The following FLT3 variants were observed in gnomAD, a reference collection of about 807,000 sequenced individuals.
The protein encoded by FLT3 is fms related receptor tyrosine kinase 3, also known as receptor-type tyrosine-protein kinase FLT3.
A neutral mutation model predicts 126.6 loss-of-function variants in FLT3; 46 were observed. The ratio of observed to expected loss-of-function variants is 0.36; its 90% CI spans 0.29 to 0.46. FLT3 has a LOEUF of 0.46. Ranked by LOEUF, FLT3 falls within the 20% of genes least tolerant of loss-of-function variation. The pLI, the probability that FLT3 is intolerant of heterozygous loss-of-function variation, is 1.00. For missense variants in FLT3, 1,069 were observed against 1,190.3 expected (o/e 0.90, Z 1.50); for synonymous variants, 404 against 434.4 (o/e 0.93, Z 0.87).
chr13:28,052,460 T>A, intron 5 of FLT3, 85 bp downstream of exon 5: 2 of 1,366,174 alleles, frequency 1.5e-6, no homozygotes, highest in South Asian at 1.4e-5. Flanking sequence ...ATAAATTAAA[T>A]TTTACATACA....
intron 1 of FLT3, among the ~76,000 whole-genome samples, chr13:28,085,343 C>CAAAAAAAAAAAAAA (rs59478584): frequency 1.2e-4 from 10 of 82,300 alleles, no homozygotes; most frequent in African/African-American, 4.7e-4. Context: ...GACTCCATCT[C>CAAAAAAAAAAAAAA]AAAAAAAAAA....
intron 17 of FLT3, among the ~76,000 whole-genome samples, chr13:28,025,891 A>G (rs952393007): frequency 7.9e-5 from 12 of 152,208 alleles, no homozygotes; most frequent in African/African-American, 2.7e-4. Flanking sequence ...TCTGTGTCTC[A>G]GACCTGGAAG....
chr13:28,098,634 T>C (rs1354805269), intron 1 of FLT3, among the ~76,000 whole-genome samples: 4 of 152,216 alleles, frequency 2.6e-5, no homozygotes, highest in African/African-American at 9.6e-5. Context: ...TCCTTTATAC[T>C]GGTGTTTATG....
intron 2 of FLT3, among the ~76,000 whole-genome samples, chr13:28,066,055 C>T (rs1020044317): frequency 7.9e-5 from 12 of 151,974 alleles, no homozygotes; most frequent in South Asian, 6.2e-4. Flanking sequence ...AATATCAAGA[C>T]GGAATACGAA....
At chr13:28,044,576 C>T (rs958058636) in intron 9 of FLT3, among the ~76,000 whole-genome samples, 3 of 152,122 alleles carry the variant, frequency 2.0e-5, no homozygotes, top group African/African-American at 7.2e-5. Flanking sequence ...CACTCAGAGG[C>T]GTGTTCAAAT....
chr13:28,015,622 T>C lies in FLT3; in HGVS notation c.2621A>G (p.Tyr874Cys), dbSNP rs868802040. ...GAAGATTTCCCACAGTAATATTCCA[T>C]ATGACCAGACATCACTCTTAATGGT... Reference protein sequence around the residue: ...IYTIKSDVWSYGILLWEIFSL... With the variant: ...IYTIKSDVWSCGILLWEIFSL... The change falls in exon 21 of 24, where the codon TAT becomes TGT. Residue 874 changes from tyrosine to cysteine, a missense_variant. Physicochemically the swap from Tyr to Cys is radical, Grantham distance 194. Transcript: ENST00000241453. 2 of 1,612,654 alleles carry C rather than the reference T, an allele frequency of 1.2e-6. No homozygotes were observed. The highest frequency in any genetic ancestry group is 1.7e-6 in the Non-Finnish European group (2 of 1,179,138).
intron 1 of FLT3, among the ~76,000 whole-genome samples, chr13:28,091,619 C>T (rs576168138): frequency 6.6e-6 from 1 of 152,108 alleles, no homozygotes; most frequent in South Asian, 2.1e-4. Context: ...TCTATAAATT[C>T]TCATAATTTT....
chr13:28,035,466 G>A (rs765165981), intron 12 of FLT3, 29 bp downstream of exon 12: 1 of 1,595,244 alleles, frequency 6.3e-7, no homozygotes, highest in Non-Finnish European at 8.5e-7. Flanking sequence ...ATTCCTGATG[G>A]TGGAATATCA....
intron 9 of FLT3, among the ~76,000 whole-genome samples, chr13:28,044,485 G>A (rs2137711577): frequency 6.6e-6 from 1 of 151,092 alleles, no homozygotes; most frequent in East Asian, 1.9e-4. Flanking sequence ...AAGAAAAGTG[G>A]AAATTACCCC....
At chr13:28,060,390 C>G (rs2137763896) in intron 3 of FLT3, among the ~76,000 whole-genome samples, 1 of 143,412 alleles carries the variant, frequency 7.0e-6, no homozygotes, top group East Asian at 2.0e-4. Flanking sequence ...CCACTGCACT[C>G]CATCCTGGGA....
At chr13:28,054,914 T>C (rs1248310929) in intron 4 of FLT3, among the ~76,000 whole-genome samples, 1 of 152,254 alleles carries the variant, frequency 6.6e-6, no homozygotes, top group Non-Finnish European at 1.5e-5. Flanking sequence ...ATGTCCTTTG[T>C]TCATTGCTCT....
intron 19 of FLT3, among the ~76,000 whole-genome samples, chr13:28,022,501 G>A (rs2137637217): frequency 1.3e-5 from 2 of 152,202 alleles, no homozygotes; most frequent in Middle Eastern, 6.8e-3. Flanking sequence ...AACAGAGCGA[G>A]ACTGTCTCCA....
intron 8 of FLT3, among the ~76,000 whole-genome samples, 188 bp downstream of exon 8, chr13:28,049,196 C>T (rs759548879): frequency 1.1e-4 from 16 of 152,108 alleles, no homozygotes; most frequent in Non-Finnish European, 2.2e-4. Flanking sequence ...GGCATTCAAG[C>T]GAGCCTGGTT....
intron 10 of FLT3, among the ~76,000 whole-genome samples, chr13:28,036,414 C>G (rs1015236629): frequency 6.6e-6 from 1 of 152,118 alleles, no homozygotes; most frequent in Non-Finnish European, 1.5e-5. Flanking sequence ...TTTTCCATTG[C>G]CAGCCTCTCC....
chr13:28,058,232 C>A (rs9551429), intron 3 of FLT3, among the ~76,000 whole-genome samples: 15 of 106,060 alleles, frequency 1.4e-4, no homozygotes, highest in South Asian at 1.3e-3. Flanking sequence ...AAAAAAAAAA[C>A]GGCCAGGTAC....
chr13:28,024,735 G>C, intron 18 of FLT3, 126 bp downstream of exon 18: 2 of 648,238 alleles, frequency 3.1e-6, no homozygotes, highest in Non-Finnish European at 5.4e-6. Flanking sequence ...CTGGCTTTTA[G>C]CTATCATCTG....
At chr13:28,038,609 C>G (rs188375263) in intron 9 of FLT3, among the ~76,000 whole-genome samples, 3 of 151,940 alleles carry the variant, frequency 2.0e-5, no homozygotes, top group African/African-American at 4.8e-5. Flanking sequence ...CCTGCCACCA[C>G]GCCCGGCTAA....
intron 2 of FLT3, among the ~76,000 whole-genome samples, chr13:28,062,822 C>G (rs1281614190): frequency 2.6e-5 from 4 of 150,982 alleles, no homozygotes; most frequent in Admixed American, 2.6e-4. Context: ...AGACAGCCAT[C>G]TTCCAACCAA....
Position 28,068,737 on chromosome 13 carries a change from T to G in FLT3, c.165+1754A>C, listed in dbSNP as rs189770096. Among the ~76,000 whole-genome samples the G allele has an allele frequency of 1.7e-3, 262 of 152,070 alleles. 2 individuals are homozygous for G. Among genetic ancestry groups the G allele is most frequent in the African/African-American group, 6.2e-3 (256 of 41,478 alleles). On this transcript the variant is annotated intron_variant, in intron 2 of 23. Transcript: ENST00000241453. Reference sequence around the variant, plus strand: ...CACACCACCATGGCTGGTTAATTTTTTTGTTGTTGTTGTATTTTTGATAGA... The same window carrying G: ...CACACCACCATGGCTGGTTAATTTTGTTGTTGTTGTTGTATTTTTGATAGA...
Sources: allele counts gnomAD v4.1 joint callset (sites outside exome capture counted in the v4.1 genomes callset), GRCh38; gene constraint gnomAD v4.1.1; transcripts MANE v1.5; gene names NCBI Gene and HGNC (gene_info 2026-07-23, HGNC 2026-07-21).